RERE: variants seen among roughly 807,000 people sequenced by gnomAD.
The protein encoded by RERE is arginine-glutamic acid dipeptide repeats protein.
A neutral mutation model predicts 146.1 loss-of-function variants in RERE; 40 were observed. The observed-to-expected ratio is 0.27, with a 90% CI of 0.21 to 0.36. The LOEUF is 0.36. RERE is among the 10% of genes least tolerant of loss of function. The probability of loss-of-function intolerance (pLI) is 1.00; values close to 1 mark genes in which losing one functional copy is unlikely to be tolerated. For synonymous variants in RERE, 1,003 were observed against 866.0 expected, an observed-to-expected ratio of 1.16 and a Z score of -2.78; for missense variants, 1,933 against 2,138.7, an observed-to-expected ratio of 0.90 and a Z score of 1.90.
intron 4 of RERE, among the ~76,000 whole-genome samples, chr1:8,608,385 T>C (rs115826722): frequency 1.6e-3 from 237 of 152,106 alleles, no homozygotes; most frequent in African/African-American, 5.4e-3. Context: ...ACACCTATAG[T>C]CCTAGCTACA....
chr1:8,364,033 C>T lies in RERE; in HGVS notation c.1740+23G>A. ...AGGAAACTGAAGAAGTTGCCAGGAG[C>T]CCCATGGCCCCAGGGGACTCACCGA... On this transcript the variant is annotated intron_variant, in intron 15 of 22. Coordinates refer to ENST00000400908, the MANE Select transcript of RERE (RefSeq NM_001042681.2). The surrounding 1 kb of genome is among the most constrained non-coding windows in gnomAD (Gnocchi z 5.1). The T allele has an allele frequency of 6.2e-7, 1 of 1,606,206 alleles. No individual in the cohort carries two copies. Among genetic ancestry groups the T allele is most frequent in the Non-Finnish European group, 8.5e-7 (1 of 1,173,272 alleles).
At chr1:8,751,000 T>C in intron 1 of RERE, 2 of 657,666 alleles carry the variant, frequency 3.0e-6, no homozygotes, top group Non-Finnish European at 5.5e-6. Flanking sequence ...ATCTGATTCA[T>C]GAGATCTAAA....
intron 12 of RERE, among the ~76,000 whole-genome samples, chr1:8,408,705 G>A (rs1354218298): frequency 1.3e-5 from 2 of 152,136 alleles, no homozygotes; most frequent in Non-Finnish European, 2.9e-5. Flanking sequence ...AAACAACAGG[G>A]AGGACTTTTC....
intron 11 of RERE, among the ~76,000 whole-genome samples, chr1:8,433,662 G>A (rs546481428): frequency 2.7e-4 from 41 of 150,096 alleles, no homozygotes; most frequent in African/African-American, 9.3e-4. Flanking sequence ...CCGGGTTCAC[G>A]CCATTCTCCT....
intron 10 of RERE, among the ~76,000 whole-genome samples, chr1:8,482,509 G>A (rs1450597872): frequency 6.6e-5 from 10 of 151,200 alleles, no homozygotes; most frequent in African/African-American, 1.2e-4. Flanking sequence ...GTGAAACCCC[G>A]TCTACTAAAA....
intron 6 of RERE, among the ~76,000 whole-genome samples, chr1:8,551,696 C>T (rs1645937734): frequency 6.6e-6 from 1 of 152,156 alleles, no homozygotes; most frequent in Admixed American, 6.5e-5. Flanking sequence ...GGGACTTTCA[C>T]ACTCCTTACC....
intron 1 of RERE, among the ~76,000 whole-genome samples, chr1:8,805,697 TG>T (rs1300507580): frequency 2.7e-5 from 4 of 149,600 alleles, no homozygotes; most frequent in African/African-American, 4.9e-5. Flanking sequence ...CATGGTGGTG[TG>T]TGCCTGTAGT....
At chr1:8,786,393 G>A in intron 1 of RERE, 1 of 864,746 alleles carries the variant, frequency 1.2e-6, no homozygotes, top group Non-Finnish European at 1.9e-6. Context: ...TGCAGATGAT[G>A]CCATATTTAC....
intron 1 of RERE, among the ~76,000 whole-genome samples, chr1:8,801,915 G>A (rs1641598396): frequency 6.6e-6 from 1 of 152,112 alleles, no homozygotes; most frequent in Non-Finnish European, 1.5e-5. Context: ...TACAGCGTCC[G>A]ATTATGCAGT....
intron 1 of RERE, among the ~76,000 whole-genome samples, chr1:8,785,620 G>C (rs965450206): frequency 6.6e-6 from 1 of 152,058 alleles, no homozygotes; most frequent in Non-Finnish European, 1.5e-5. Flanking sequence ...CTCATAATTT[G>C]CCTTGAGCTG....
chr1:8,643,017 G>A lies in RERE; in HGVS notation c.325+12956C>T, dbSNP rs190671538. ...CTTTTCCAAGTACCTGGGATACATC[G>A]GGGAAAAAGATCCCTGTCCTGCTGG... is the stretch of plus-strand genomic sequence containing the variant. On this transcript the variant is annotated intron_variant, in intron 2 of 22. Transcript: ENST00000400908. Among the ~76,000 whole-genome samples the A allele has an allele frequency of 7.9e-5, 12 of 152,244 alleles. No individual in the cohort carries two copies. The East Asian group carries it at 1.5e-3, about 20-fold the overall frequency.
rs1017257069 is a variant in RERE at position 8,379,683 on chromosome 1, T to C, written c.1285-13709A>G. On this transcript the variant is annotated intron_variant, in intron 12 of 22. Transcript: ENST00000400908. Reference sequence around the variant, plus strand: ...GGCAGCGCCACCCCATGCAGGCTGCTATGCATGTGGGGCCCACAGGGGGCA... The same window carrying C: ...GGCAGCGCCACCCCATGCAGGCTGCCATGCATGTGGGGCCCACAGGGGGCA... 3.3e-5 allele frequency among the ~76,000 whole-genome samples: 5 copies of C among 152,174 alleles called. No individual in the cohort carries two copies. The East Asian group carries it at 9.6e-4, about 29-fold the overall frequency.
intron 6 of RERE, among the ~76,000 whole-genome samples, chr1:8,547,098 A>T (rs938872341): frequency 6.6e-6 from 1 of 151,758 alleles, no homozygotes; most frequent in African/African-American, 2.4e-5. Flanking sequence ...AAAAAAAAAA[A>T]AACAAAATAT....
At chr1:8,512,807 T>C (rs1313617221) in intron 7 of RERE, 1 of 152,204 alleles carries the variant, frequency 6.6e-6, no homozygotes, top group Non-Finnish European at 1.5e-5. Context: ...CTGGGTTCCA[T>C]GGAAGCCACC....
intron 2 of RERE, among the ~76,000 whole-genome samples, chr1:8,633,466 C>A (rs1459180404): frequency 6.6e-6 from 1 of 152,104 alleles, no homozygotes; most frequent in East Asian, 1.9e-4. Context: ...CACACACACA[C>A]ACACACACAC....
intron 8 of RERE, among the ~76,000 whole-genome samples, chr1:8,503,022 T>TC (rs1241561080): frequency 3.3e-5 from 5 of 149,894 alleles, no homozygotes; most frequent in African/African-American, 1.2e-4. Flanking sequence ...TGACCTTCCC[T>TC]CCACTATTGT....
intron 1 of RERE, among the ~76,000 whole-genome samples, chr1:8,800,096 G>C (rs1314846957): frequency 6.6e-6 from 1 of 152,058 alleles, no homozygotes; most frequent in Non-Finnish European, 1.5e-5. Context: ...TTACAGGCGT[G>C]AGCCACCGCA....
chr1:8,400,858 A>C (rs1353733393), intron 12 of RERE, among the ~76,000 whole-genome samples: 59 of 133,310 alleles, frequency 4.4e-4, no homozygotes, highest in African/African-American at 1.6e-3. Flanking sequence ...AAAAAAAAAA[A>C]AACCCAAAAA....
At chr1:8,513,271 C>T (rs1219187601) in intron 7 of RERE, among the ~76,000 whole-genome samples, 1 of 152,108 alleles carries the variant, frequency 6.6e-6, no homozygotes, top group Non-Finnish European at 1.5e-5. Context: ...TATACATATT[C>T]TTATAAAAAG....
Sources: gnomAD v4.1 joint callset for allele counts (sites outside exome capture counted in the v4.1 genomes callset) on GRCh38, gnomAD v4.1.1 for gene constraint, Gnocchi (gnomAD v3.1) non-coding constraint, MANE v1.5 for transcripts, NCBI Gene and HGNC (gene_info 2026-07-23, HGNC 2026-07-21) for gene names.